The following PLXNA4 variants were observed in gnomAD, a reference collection of about 807,000 sequenced individuals.
PLXNA4 encodes the protein plexin-A4.
Under a neutral mutation model 191.8 loss-of-function variants are expected in PLXNA4, and 44 were observed. The ratio of observed to expected loss-of-function variants is 0.23; its 90% confidence interval spans 0.18 to 0.29. The LOEUF is 0.29. Ranked by LOEUF, PLXNA4 falls within the 10% of genes least tolerant of loss-of-function variation. The pLI is 1.00. For missense variants in PLXNA4, 1,800 were observed against 2,488.8 expected, an observed-to-expected ratio of 0.72 and a Z score of 5.89; for synonymous variants, 1,082 against 1,009.5, an observed-to-expected ratio of 1.07 and a Z score of -1.36.
At chr7:132,421,855 T>C (rs1440599036) in intron 3 of PLXNA4, among the ~76,000 whole-genome samples, 1 of 152,166 alleles carries the variant, frequency 6.6e-6, no homozygotes, top group African/African-American at 2.4e-5. Flanking sequence ...AGTATCGCAG[T>C]GGGAACCCCA....
At chr7:132,278,403 C>G (rs1330416037) in intron 4 of PLXNA4, among the ~76,000 whole-genome samples, 1 of 152,176 alleles carries the variant, frequency 6.6e-6, no homozygotes, top group Non-Finnish European at 1.5e-5. Flanking sequence ...TGTCTCTAAC[C>G]AGTATGTCTA....
At chr7:132,173,494 A>T (rs972887088) in intron 21 of PLXNA4, among the ~76,000 whole-genome samples, 3 of 152,194 alleles carry the variant, frequency 2.0e-5, no homozygotes, top group Admixed American at 6.5e-5. Context: ...CTCTTAGCTG[A>T]GGAGCCAAAG....
At chr7:132,378,854 T>TG (rs1158292858) in intron 3 of PLXNA4, among the ~76,000 whole-genome samples, 1 of 150,050 alleles carries the variant, frequency 6.7e-6, no homozygotes, top group East Asian at 2.0e-4. Context: ...GATCTTTTTT[T>TG]TTTTTTTTTT....
intron 2 of PLXNA4, among the ~76,000 whole-genome samples, chr7:132,597,563 G>A (rs1034240840): frequency 3.4e-5 from 5 of 145,302 alleles, no homozygotes; most frequent in Admixed American, 2.2e-4. Flanking sequence ...ATCATGCATC[G>A]TCTCTCTCCT....
chr7:132,331,077 G>A (rs988224188), intron 3 of PLXNA4, among the ~76,000 whole-genome samples: 6 of 152,166 alleles, frequency 3.9e-5, no homozygotes, highest in African/African-American at 1.4e-4. Context: ...GCTCAACCCT[G>A]GCAGTAGCAA....
intron 3 of PLXNA4, among the ~76,000 whole-genome samples, chr7:132,365,370 C>CGCGCGCGT (rs1481756284): frequency 1.4e-5 from 2 of 139,200 alleles, no homozygotes; most frequent in Non-Finnish European, 1.5e-5. Flanking sequence ...TGCGTGCGCG[C>CGCGCGCGT]GCATGCATGG....
intron 2 of PLXNA4, among the ~76,000 whole-genome samples, chr7:132,611,507 A>T (rs1162797141): frequency 6.6e-6 from 1 of 152,152 alleles, no homozygotes; most frequent in Non-Finnish European, 1.5e-5. Context: ...ACAACTTCTG[A>T]ACGTCTCCAA....
At chr7:132,242,603 C>G (rs919583175) in intron 4 of PLXNA4, among the ~76,000 whole-genome samples, 1 of 152,130 alleles carries the variant, frequency 6.6e-6, no homozygotes, top group African/African-American at 2.4e-5. Flanking sequence ...TTCTTAATGA[C>G]CACACTGCGC....
At chr7:132,647,077 A>G (rs1045078907) in intron 1 of PLXNA4, among the ~76,000 whole-genome samples, 1 of 152,058 alleles carries the variant, frequency 6.6e-6, no homozygotes, top group Admixed American at 6.6e-5. Context: ...GCTGTCATAC[A>G]TTCACAAACA....
At chr7:132,385,752 A>T (rs548925200) in intron 3 of PLXNA4, among the ~76,000 whole-genome samples, 1 of 152,230 alleles carries the variant, frequency 6.6e-6, no homozygotes, top group Non-Finnish European at 1.5e-5. Context: ...ATGGATGCAC[A>T]CACACACACA....
intron 5 of PLXNA4, among the ~76,000 whole-genome samples, chr7:132,231,901 G>T (rs1230668816): frequency 6.6e-6 from 1 of 152,178 alleles, no homozygotes; most frequent in East Asian, 1.9e-4. Context: ...GTTGTCAAAG[G>T]GTATTGAGAA....
chr7:132,344,060 G>A (rs1194532852), intron 3 of PLXNA4, among the ~76,000 whole-genome samples: 2 of 152,136 alleles, frequency 1.3e-5, no homozygotes, highest in Non-Finnish European at 2.9e-5. Flanking sequence ...AGTACCCAAT[G>A]GCCAACTTGA....
At chr7:132,548,737 G>A (rs1216486894) in intron 1 of PLXNA4, among the ~76,000 whole-genome samples, 1 of 152,150 alleles carries the variant, frequency 6.6e-6, no homozygotes, top group Non-Finnish European at 1.5e-5. Flanking sequence ...GAGTCCTACT[G>A]GGCTACATTC....
chr7:132,202,450 A>C (rs997647443), intron 12 of PLXNA4, among the ~76,000 whole-genome samples, 196 bp downstream of exon 12: 1 of 152,176 alleles, frequency 6.6e-6, no homozygotes, highest in Non-Finnish European at 1.5e-5. Flanking sequence ...AGCCCCAAAA[A>C]GAGTCTCTGA....
chr7:132,629,239 T>C (rs2116876435), intron 2 of PLXNA4, among the ~76,000 whole-genome samples: 1 of 152,314 alleles, frequency 6.6e-6, no homozygotes, highest in East Asian at 1.9e-4. Flanking sequence ...GAGGCCTCAG[T>C]AAATTGGCTT....
At chr7:132,141,523 T>G (rs1795268700) in intron 29 of PLXNA4, among the ~76,000 whole-genome samples, 1 of 152,112 alleles carries the variant, frequency 6.6e-6, no homozygotes, top group African/African-American at 2.4e-5. Context: ...TCAAGAAGCC[T>G]GCATTCTGGT....
At chr7:132,386,295 C>T (rs748237284) in intron 3 of PLXNA4, among the ~76,000 whole-genome samples, 6 of 152,224 alleles carry the variant, frequency 3.9e-5, no homozygotes, top group Non-Finnish European at 8.8e-5. Flanking sequence ...GCAGGGAGAA[C>T]ACCGGGCTGT....
At chr7:132,139,086 G>A (rs866539701) in intron 30 of PLXNA4, among the ~76,000 whole-genome samples, 8 of 152,332 alleles carry the variant, frequency 5.3e-5, no homozygotes, top group Middle Eastern at 3.4e-3. Context: ...CTACATAGCA[G>A]GAGGTGAGAG....
chr7:132,633,866 C>T lies in PLXNA4; in HGVS notation c.-87+12062G>A, dbSNP rs534668008. On this transcript the variant is annotated intron_variant, in intron 2 of 4. Transcript: ENST00000378539. Reference sequence around the variant, plus strand: ...ATTCGCCTCCTCCCATCAGTATCTTCTCCCTTGTCACCCAAGGAATGAAGT... The same window carrying T: ...ATTCGCCTCCTCCCATCAGTATCTTTTCCCTTGTCACCCAAGGAATGAAGT... Among the ~76,000 whole-genome samples the T allele has an allele frequency of 4.6e-5, 7 of 152,234 alleles. 1 individual carries two copies. In the South Asian group the frequency reaches 1.5e-3, roughly 32 times the overall value.
Sources: gnomAD v4.1 joint callset for allele counts (sites outside exome capture counted in the v4.1 genomes callset) on GRCh38, gnomAD v4.1.1 for gene constraint, MANE v1.5 for transcripts, NCBI Gene and HGNC (gene_info 2026-07-23, HGNC 2026-07-21) for gene names.